Variants in ROBO2 observed in about 807,000 individuals in gnomAD.
ROBO2 encodes roundabout guidance receptor 2, also known as roundabout homolog 2.
ROBO2 carries 53 observed loss-of-function variants against 160.8 expected under a neutral mutation model. That is an observed-to-expected ratio of 0.33 (90% CI 0.26 to 0.41). The LOEUF is 0.41. ROBO2 is among the 10% of genes least tolerant of loss of function. ROBO2 has a pLI of 1.00. For missense variants in ROBO2, 1,577 were observed against 1,722.4 expected (o/e 0.92, Z 1.49); for synonymous variants, 664 against 611.7 (o/e 1.09, Z -1.26).
intron 2 of ROBO2, among the ~76,000 whole-genome samples, chr3:76,734,988 T>C (rs949604641): frequency 1.3e-4 from 20 of 152,356 alleles, no homozygotes; most frequent in African/African-American, 4.6e-4. Context: ...TTGGTAGGAA[T>C]GTAAATTAGT....
At chr3:76,350,737 T>A (rs1343932392) in intron 2 of ROBO2, among the ~76,000 whole-genome samples, 3 of 151,972 alleles carry the variant, frequency 2.0e-5, no homozygotes, top group Non-Finnish European at 4.4e-5. Context: ...AGACTTACTG[T>A]CTACAGCCAA....
At chr3:76,559,514 T>G (rs1021350655) in intron 2 of ROBO2, among the ~76,000 whole-genome samples, 1 of 152,110 alleles carries the variant, frequency 6.6e-6, no homozygotes, top group African/African-American at 2.4e-5. Context: ...TCACAAATAA[T>G]GTACAAACTT....
intron 2 of ROBO2, among the ~76,000 whole-genome samples, chr3:76,859,171 GAAGTC>G (rs2070463889): frequency 6.6e-6 from 1 of 152,144 alleles, no homozygotes; most frequent in Non-Finnish European, 1.5e-5. Context: ...AGCAAAAGAA[GAAGTC>G]AAGGGTGAAA....
intron 1 of ROBO2, among the ~76,000 whole-genome samples, chr3:77,055,929 TG>T (rs2065699110): frequency 6.6e-6 from 1 of 152,210 alleles, no homozygotes; most frequent in Non-Finnish European, 1.5e-5. Flanking sequence ...TGCAATAAAT[TG>T]AAAAGATAAA....
intron 2 of ROBO2, among the ~76,000 whole-genome samples, chr3:76,945,307 C>T (rs2078462846): frequency 6.6e-6 from 1 of 152,122 alleles, no homozygotes. Context: ...GTCGCTCTCA[C>T]TATAACATGA....
intron 2 of ROBO2, among the ~76,000 whole-genome samples, chr3:77,474,364 G>A (rs2083723633): frequency 6.6e-6 from 1 of 152,060 alleles, no homozygotes; most frequent in Non-Finnish European, 1.5e-5. Flanking sequence ...TGCTTTTTGT[G>A]AGTCGATTTT....
chr3:76,402,624 A>T (rs528724679), intron 2 of ROBO2, among the ~76,000 whole-genome samples: 10 of 151,668 alleles, frequency 6.6e-5, no homozygotes, highest in Admixed American at 2.6e-4. Context: ...CTACTGATAA[A>T]TTCAGTTGCT....
intron 2 of ROBO2, among the ~76,000 whole-genome samples, chr3:77,436,269 T>A (rs555733536): frequency 6.6e-6 from 1 of 151,668 alleles, no homozygotes; most frequent in Non-Finnish European, 1.5e-5. Flanking sequence ...GACTGTGAGA[T>A]TTCCTCCCTG....
chr3:77,252,218 TC>T (rs2153303211), intron 2 of ROBO2, among the ~76,000 whole-genome samples: 1 of 152,244 alleles, frequency 6.6e-6, no homozygotes, highest in East Asian at 1.9e-4. Context: ...TTTCCTTTAC[TC>T]CATTCTCCAA....
chr3:76,041,334 C>G (rs2067266164), intron 2 of ROBO2, among the ~76,000 whole-genome samples: 1 of 151,960 alleles, frequency 6.6e-6, no homozygotes, highest in African/African-American at 2.4e-5. Flanking sequence ...TGTATTTTTT[C>G]TGAGCTACTA....
At chr3:76,901,577 A>AG (rs2075237827) in intron 2 of ROBO2, among the ~76,000 whole-genome samples, 1 of 150,732 alleles carries the variant, frequency 6.6e-6, no homozygotes, top group South Asian at 2.1e-4. Flanking sequence ...TCAAAAAAAA[A>AG]AAAAAAAAAA....
intron 2 of ROBO2, among the ~76,000 whole-genome samples, chr3:76,352,450 T>A (rs2074934466): frequency 6.6e-6 from 1 of 152,054 alleles, no homozygotes; most frequent in Admixed American, 6.6e-5. Flanking sequence ...ATCAAAATTT[T>A]GTTCAAATGA....
At chr3:76,086,155 C>A (rs946283836) in intron 2 of ROBO2, among the ~76,000 whole-genome samples, 1 of 152,030 alleles carries the variant, frequency 6.6e-6, no homozygotes, top group African/African-American at 2.4e-5. Flanking sequence ...TACGGCCTGG[C>A]TGCAGAAGCC....
intron 2 of ROBO2, among the ~76,000 whole-genome samples, chr3:76,843,807 C>T (rs947923237): frequency 2.6e-5 from 4 of 152,108 alleles, no homozygotes; most frequent in Middle Eastern, 3.4e-3. Context: ...GTTCTAAAAA[C>T]GACCAGGTAC....
chr3:76,862,865 T>C (rs2070943823), intron 2 of ROBO2, among the ~76,000 whole-genome samples: 1 of 152,112 alleles, frequency 6.6e-6, no homozygotes, highest in African/African-American at 2.4e-5. Flanking sequence ...ATCTTGTCAA[T>C]TATAGCTTTA....
intron 2 of ROBO2, among the ~76,000 whole-genome samples, chr3:76,791,259 G>A (rs915778139): frequency 6.6e-6 from 1 of 151,694 alleles, no homozygotes; most frequent in Non-Finnish European, 1.5e-5. Flanking sequence ...GGACAGATAA[G>A]CTGTCTTGAT....
chr3:76,239,368 A>ATG (rs1476095945), intron 2 of ROBO2, among the ~76,000 whole-genome samples: 2 of 151,442 alleles, frequency 1.3e-5, no homozygotes, highest in Non-Finnish European at 2.9e-5. Flanking sequence ...ATGTATATAT[A>ATG]TATATGTACA....
chr3:77,622,291 G>A, exon 23 of ROBO2: 1 of 1,614,126 alleles, frequency 6.2e-7, no homozygotes, highest in East Asian at 2.2e-5. Flanking sequence ...TGTGTCTGGA[G>A]CCTTGATTTC....
At chr3:76,624,017 G>A (rs1031875023) in intron 2 of ROBO2, among the ~76,000 whole-genome samples, 1 of 151,958 alleles carries the variant, frequency 6.6e-6, no homozygotes, top group African/African-American at 2.4e-5. Context: ...GTAATGGGCT[G>A]TTGGTTTTAT....
Sources: allele counts gnomAD v4.1 joint callset (sites outside exome capture counted in the v4.1 genomes callset), GRCh38; gene constraint gnomAD v4.1.1; transcripts MANE v1.5; gene names NCBI Gene and HGNC (gene_info 2026-07-23, HGNC 2026-07-21).